CNTNAP2: variants seen among roughly 807,000 people sequenced by gnomAD.
CNTNAP2 encodes contactin-associated protein-like 2.
In CNTNAP2, 98 loss-of-function variants were observed where a neutral mutation model predicts 155.2. The ratio of observed to expected loss-of-function variants is 0.63; its 90% CI spans 0.54 to 0.75. The LOEUF is 0.75. Ranked by LOEUF, CNTNAP2 falls within the 30% of genes least tolerant of loss-of-function variation. CNTNAP2 has a pLI of 0.00. For synonymous variants in CNTNAP2, 651 were observed against 631.2 expected, an observed-to-expected ratio of 1.03 and a Z score of -0.47; for missense variants, 1,727 against 1,688.1, an observed-to-expected ratio of 1.02 and a Z score of -0.40.
intron 13 of CNTNAP2, among the ~76,000 whole-genome samples, chr7:147,850,619 A>C (rs140335787): frequency 0.033 from 4,956 of 152,298 alleles, 137 homozygotes; most frequent in Non-Finnish European, 0.052. Context: ...ATAACACCAC[A>C]CATCTACAAC....
At chr7:146,737,814 A>G (rs999503710) in intron 1 of CNTNAP2, among the ~76,000 whole-genome samples, 4 of 152,088 alleles carry the variant, frequency 2.6e-5, no homozygotes, top group Non-Finnish European at 4.4e-5. Context: ...GCAAATGATA[A>G]CACTTCGTTC....
chr7:147,654,934 A>G (rs1795503967), intron 13 of CNTNAP2, among the ~76,000 whole-genome samples: 1 of 138,370 alleles, frequency 7.2e-6, no homozygotes, highest in African/African-American at 2.8e-5. Flanking sequence ...CTCCTGCCTC[A>G]GCCTCCCAAA....
At chr7:147,814,203 A>T (rs953629267) in intron 13 of CNTNAP2, among the ~76,000 whole-genome samples, 9 of 152,226 alleles carry the variant, frequency 5.9e-5, no homozygotes, top group Admixed American at 5.9e-4. Context: ...CTCTGATATT[A>T]AATATGGGTG....
At chr7:147,183,704 T>C (rs1334470792) in intron 8 of CNTNAP2, among the ~76,000 whole-genome samples, 1 of 152,198 alleles carries the variant, frequency 6.6e-6, no homozygotes, top group Non-Finnish European at 1.5e-5. Flanking sequence ...GGGCTTGGGA[T>C]TGGTCACAGT....
intron 12 of CNTNAP2, among the ~76,000 whole-genome samples, chr7:147,620,115 A>C (rs915571947): frequency 6.6e-6 from 1 of 152,238 alleles, no homozygotes; most frequent in South Asian, 2.1e-4. Context: ...GAAACACAGC[A>C]TTACTGGGCT....
chr7:147,379,088 A>C (rs1266601395), intron 9 of CNTNAP2, among the ~76,000 whole-genome samples: 2 of 151,986 alleles, frequency 1.3e-5, no homozygotes, highest in Admixed American at 1.3e-4. Context: ...CATGTGAAGA[A>C]GGGTGTGTTT....
At chr7:148,349,821 G>C (rs982468797) in intron 21 of CNTNAP2, among the ~76,000 whole-genome samples, 4 of 152,190 alleles carry the variant, frequency 2.6e-5, no homozygotes, top group African/African-American at 9.7e-5. Flanking sequence ...AAGACCCTGA[G>C]GTCAGACAAG....
chr7:147,316,732 G>T (rs1795240662), intron 9 of CNTNAP2, among the ~76,000 whole-genome samples: 1 of 151,254 alleles, frequency 6.6e-6, no homozygotes, highest in South Asian at 2.1e-4. Flanking sequence ...AATGTTTATT[G>T]CAACAACATA....
At chr7:146,446,002 A>G (rs950137932) in intron 1 of CNTNAP2, among the ~76,000 whole-genome samples, 1 of 152,100 alleles carries the variant, frequency 6.6e-6, no homozygotes, top group Non-Finnish European at 1.5e-5. Flanking sequence ...TTGCTTCTTG[A>G]TGGTTGGTAC....
At chr7:147,088,315 A>G (rs1300146338) in intron 4 of CNTNAP2, among the ~76,000 whole-genome samples, 1 of 152,208 alleles carries the variant, frequency 6.6e-6, no homozygotes, top group Non-Finnish European at 1.5e-5. Flanking sequence ...TAACATAAAT[A>G]TTGGAGCTTT....
chr7:147,109,955 C>A (rs1800843230), intron 5 of CNTNAP2, among the ~76,000 whole-genome samples: 1 of 151,980 alleles, frequency 6.6e-6, no homozygotes, highest in African/African-American at 2.4e-5. Context: ...GTCAGAGTCT[C>A]ACCCTGTCAC....
intron 8 of CNTNAP2, among the ~76,000 whole-genome samples, chr7:147,146,090 C>G (rs1018095745): frequency 1.3e-5 from 2 of 152,126 alleles, no homozygotes; most frequent in Non-Finnish European, 2.9e-5. Flanking sequence ...GTCAACATAA[C>G]AGATTGCCAA....
At chr7:147,602,138 T>G (rs1800959801) in intron 12 of CNTNAP2, among the ~76,000 whole-genome samples, 1 of 152,018 alleles carries the variant, frequency 6.6e-6, no homozygotes, top group East Asian at 1.9e-4. Flanking sequence ...TATTAGCAGT[T>G]GCAAAATCAT....
At chr7:147,160,901 C>A (rs1802012431) in intron 8 of CNTNAP2, among the ~76,000 whole-genome samples, 1 of 151,990 alleles carries the variant, frequency 6.6e-6, no homozygotes, top group Admixed American at 6.6e-5. Flanking sequence ...AGAGGCTGAT[C>A]CTAAAGACTT....
intron 21 of CNTNAP2, among the ~76,000 whole-genome samples, chr7:148,354,613 G>A (rs1031504937): frequency 2.6e-5 from 4 of 152,004 alleles, no homozygotes; most frequent in South Asian, 2.1e-4. Context: ...GGGGGCGACC[G>A]GGAGGAAGCA....
At chr7:146,711,794 T>C (rs1393362419) in intron 1 of CNTNAP2, among the ~76,000 whole-genome samples, 1 of 125,454 alleles carries the variant, frequency 8.0e-6, no homozygotes, top group African/African-American at 3.2e-5. Context: ...TGTATACATA[T>C]ATAGTATACA....
intron 2 of CNTNAP2, among the ~76,000 whole-genome samples, chr7:146,779,108 C>T (rs961285218): frequency 1.3e-5 from 2 of 152,156 alleles, no homozygotes; most frequent in Admixed American, 6.5e-5. Context: ...TCTGGTTTCA[C>T]TCACAGGCTC....
At chr7:147,493,514 A>G (rs941651006) in intron 11 of CNTNAP2, among the ~76,000 whole-genome samples, 1 of 152,172 alleles carries the variant, frequency 6.6e-6, no homozygotes, top group Admixed American at 6.5e-5. Context: ...TCATCAATAT[A>G]TTGAGAGCTG....
intron 3 of CNTNAP2, among the ~76,000 whole-genome samples, chr7:146,933,605 A>C (rs1311174746): frequency 1.4e-5 from 2 of 147,866 alleles, no homozygotes; most frequent in Non-Finnish European, 3.0e-5. Context: ...AATTAAACTA[A>C]AGAGCTTCTG....
Sources: allele counts gnomAD v4.1 joint callset (sites outside exome capture counted in the v4.1 genomes callset), GRCh38; gene constraint gnomAD v4.1.1; transcripts MANE v1.5; gene names NCBI Gene and HGNC (gene_info 2026-07-23, HGNC 2026-07-21).